The following ERBB4 variants were observed in gnomAD, a reference collection of about 807,000 sequenced individuals.
ERBB4 encodes the protein erb-b2 receptor tyrosine kinase 4.
Under a neutral mutation model 158.0 loss-of-function variants are expected in ERBB4, and 42 were observed. That is an observed-to-expected ratio of 0.27 (90% CI 0.21 to 0.34). ERBB4 has a LOEUF of 0.34. Ranked by LOEUF, ERBB4 falls within the 10% of genes least tolerant of loss-of-function variation. The probability of loss-of-function intolerance (pLI) is 1.00; values close to 1 mark genes in which losing one functional copy is unlikely to be tolerated. For missense variants in ERBB4, 1,333 were observed against 1,624.1 expected (o/e 0.82, Z 3.08); for synonymous variants, 583 against 558.7 (o/e 1.04, Z -0.61).
At chr2:211,525,357 C>T (rs913901207) in intron 20 of ERBB4, among the ~76,000 whole-genome samples, 3 of 152,106 alleles carry the variant, frequency 2.0e-5, no homozygotes, top group African/African-American at 7.2e-5. Context: ...AGCTCAGCCA[C>T]AGTAGGATAG....
At chr2:212,270,321 A>C (rs1054549848) in intron 1 of ERBB4, among the ~76,000 whole-genome samples, 1 of 151,732 alleles carries the variant, frequency 6.6e-6, no homozygotes, top group Admixed American at 6.6e-5. Flanking sequence ...TCTGTACTGA[A>C]ATTGTCACTT....
At chr2:211,772,866 T>TAC (rs1559504457) in intron 4 of ERBB4, among the ~76,000 whole-genome samples, 1 of 72,190 alleles carries the variant, frequency 1.4e-5, no homozygotes, top group South Asian at 6.8e-4. Flanking sequence ...TATATATATA[T>TAC]ATACACATAT....
chr2:211,949,254 A>C (rs1251964932), intron 2 of ERBB4, among the ~76,000 whole-genome samples: 1 of 152,162 alleles, frequency 6.6e-6, no homozygotes, highest in Non-Finnish European at 1.5e-5. Flanking sequence ...GATATTTTAA[A>C]GACATAAATC....
intron 2 of ERBB4, among the ~76,000 whole-genome samples, chr2:212,060,728 C>T (rs2125420289): frequency 6.7e-6 from 1 of 150,020 alleles, no homozygotes; most frequent in South Asian, 2.2e-4. Flanking sequence ...CCAAACACCA[C>T]ATGGTCTCAC....
intron 3 of ERBB4, among the ~76,000 whole-genome samples, chr2:211,922,416 C>A (rs2079880105): frequency 6.6e-6 from 1 of 152,112 alleles, no homozygotes; most frequent in South Asian, 2.1e-4. Flanking sequence ...TCCTAAGTAA[C>A]AAGAAGAATT....
chr2:212,236,054 A>G (rs2083859548), intron 1 of ERBB4, among the ~76,000 whole-genome samples: 1 of 152,198 alleles, frequency 6.6e-6, no homozygotes, highest in Admixed American at 6.5e-5. Context: ...CGGTTTTCAA[A>G]GGGAATTCTT....
chr2:211,428,211 TTAAAATAAAA>T (rs55861364), intron 22 of ERBB4, among the ~76,000 whole-genome samples, 187 bp downstream of exon 22: 325 of 147,186 alleles, frequency 2.2e-3, no homozygotes, highest in African/African-American at 7.2e-3. Context: ...ATCGCAGAAC[TTAAAATAAAA>T]TAAAATAAAA....
intron 2 of ERBB4, among the ~76,000 whole-genome samples, chr2:211,956,308 T>C (rs1048544305): frequency 1.3e-5 from 2 of 152,114 alleles, no homozygotes; most frequent in African/African-American, 4.8e-5. Context: ...TGTTTAGATA[T>C]AGATAGAGCT....
At chr2:211,706,606 A>AAC (rs1553614614) in intron 9 of ERBB4, among the ~76,000 whole-genome samples, 11 of 149,958 alleles carry the variant, frequency 7.3e-5, no homozygotes, top group Admixed American at 5.3e-4. Flanking sequence ...AAAAACAAAA[A>AAC]AAAAAAAAAC....
intron 4 of ERBB4, among the ~76,000 whole-genome samples, chr2:211,773,926 A>G (rs1207526187): frequency 6.6e-6 from 1 of 151,708 alleles, no homozygotes; most frequent in Non-Finnish European, 1.5e-5. Flanking sequence ...TGTAAACCCT[A>G]TTGTCGATAT....
At chr2:211,592,221 C>A (rs1414232797) in intron 19 of ERBB4, among the ~76,000 whole-genome samples, 1 of 152,094 alleles carries the variant, frequency 6.6e-6, no homozygotes, top group Admixed American at 6.6e-5. Flanking sequence ...GGATGAATTC[C>A]TGGGAACTGC....
At chr2:212,015,332 G>T (rs2076504975) in intron 2 of ERBB4, among the ~76,000 whole-genome samples, 1 of 151,774 alleles carries the variant, frequency 6.6e-6, no homozygotes, top group Non-Finnish European at 1.5e-5. Context: ...TGTCAACAGA[G>T]ATCTTTTTCT....
Position 211,439,455 on chromosome 2 carries a change from A to G in ERBB4, c.2488-8355T>C, listed in dbSNP as rs2125449669. Reference sequence around the variant, plus strand: ...AGTGTTTTCACTGGATTCATAGAGCACCCATTTTCAAGATTACATTCAGTT... The same window carrying G: ...AGTGTTTTCACTGGATTCATAGAGCGCCCATTTTCAAGATTACATTCAGTT... On this transcript the variant is annotated intron_variant, in intron 20 of 27. Transcript: ENST00000342788. Among the ~76,000 whole-genome samples the G allele has an allele frequency of 2.6e-5, 4 of 152,308 alleles. No individual in the cohort carries two copies. In the Middle Eastern group the frequency reaches 0.014, roughly 518 times the overall value.
chr2:212,502,179 G>A (rs980149110), intron 1 of ERBB4, among the ~76,000 whole-genome samples: 4 of 151,914 alleles, frequency 2.6e-5, no homozygotes, highest in Non-Finnish European at 5.9e-5. Context: ...TATATAATGA[G>A]CTATAGCTTA....
chr2:211,933,937 A>G (rs1055063630), intron 3 of ERBB4, among the ~76,000 whole-genome samples: 1 of 152,062 alleles, frequency 6.6e-6, no homozygotes, highest in African/African-American at 2.4e-5. Flanking sequence ...GTTTCAATAA[A>G]TAAAATGTGA....
At chr2:212,327,078 C>T (rs572214416) in intron 1 of ERBB4, among the ~76,000 whole-genome samples, 2 of 150,654 alleles carry the variant, frequency 1.3e-5, no homozygotes, top group East Asian at 1.9e-4. Context: ...TTTGTAAATA[C>T]TGATGATACC....
rs537433184 is a variant in ERBB4, at chr2:211,545,216, A to T, written c.2487+16687T>A. ...TGGCTAGACGCTTAACATTTTTTTT[A>T]AAGTACAAAAAGATAAAGTAGAAAA... is the stretch of plus-strand genomic sequence containing the variant. On this transcript the variant is annotated intron_variant, in intron 20 of 27. Coordinates refer to ENST00000342788, the MANE Select transcript of ERBB4 (RefSeq NM_005235.3). 2.6e-5 allele frequency among the ~76,000 whole-genome samples: 4 copies of T among 152,180 alleles called. No homozygotes were observed. The South Asian group carries it at 8.3e-4, about 32-fold the overall frequency.
At chr2:211,588,031 A>G (rs2068340052) in intron 19 of ERBB4, among the ~76,000 whole-genome samples, 1 of 152,224 alleles carries the variant, frequency 6.6e-6, no homozygotes, top group Non-Finnish European at 1.5e-5. Context: ...AGCTGTTTGA[A>G]GAATGTGACC....
At chr2:212,419,991 C>A (rs1220329815) in intron 1 of ERBB4, among the ~76,000 whole-genome samples, 1 of 151,896 alleles carries the variant, frequency 6.6e-6, no homozygotes, top group Admixed American at 6.6e-5. Flanking sequence ...ATTCTAAGTG[C>A]AAAGTTATAA....
Sources: allele counts gnomAD v4.1 joint callset (sites outside exome capture counted in the v4.1 genomes callset), GRCh38; gene constraint gnomAD v4.1.1; transcripts MANE v1.5; gene names NCBI Gene and HGNC (gene_info 2026-07-23, HGNC 2026-07-21).